The following CCDC148 variants were observed in gnomAD, a reference collection of about 807,000 sequenced individuals.
CCDC148 encodes the protein coiled-coil domain containing 148.
In CCDC148, 89 loss-of-function variants were observed where a neutral mutation model predicts 85.7. The observed-to-expected ratio is 1.04, with a 90% CI of 0.87 to 1.24. The LOEUF is 1.24. Ranked by LOEUF, CCDC148 falls within the 50% of genes most tolerant of loss-of-function variation. CCDC148 has a pLI of 0.00. For synonymous variants in CCDC148, 230 were observed against 213.9 expected, an observed-to-expected ratio of 1.08 and a Z score of -0.66; for missense variants, 692 against 671.7, an observed-to-expected ratio of 1.03 and a Z score of -0.33.
At chr2:158,372,153 C>G (rs1684469849) in intron 1 of CCDC148, among the ~76,000 whole-genome samples, 1 of 151,936 alleles carries the variant, frequency 6.6e-6, no homozygotes, top group South Asian at 2.1e-4. Context: ...CCTCTATATC[C>G]TCCAAACTGT....
At chr2:158,224,356 G>A (rs200079531) in intron 10 of CCDC148, among the ~76,000 whole-genome samples, 1 of 152,218 alleles carries the variant, frequency 6.6e-6, no homozygotes, top group African/African-American at 2.4e-5. Flanking sequence ...ACCTGAAAGT[G>A]ATGGGGAGAA....
chr2:158,333,394 A>T (rs1323385045), intron 7 of CCDC148, among the ~76,000 whole-genome samples: 3 of 152,080 alleles, frequency 2.0e-5, no homozygotes, highest in Non-Finnish European at 4.4e-5. Flanking sequence ...GTTTGTTATG[A>T]TTTCTGTTCT....
intron 3 of CCDC148, among the ~76,000 whole-genome samples, chr2:158,342,799 G>A (rs1020786038): frequency 2.0e-5 from 3 of 152,002 alleles, no homozygotes; most frequent in Non-Finnish European, 2.9e-5. Flanking sequence ...AAAACTTAAG[G>A]GATTCTTTGT....
chr2:158,311,127 G>A lies in CCDC148; in HGVS notation c.904-1488C>T, dbSNP rs1028068972. 2.6e-5 allele frequency among the ~76,000 whole-genome samples: 4 copies of A among 152,214 alleles called. No homozygotes were observed. In the South Asian group the frequency reaches 6.2e-4, roughly 24 times the overall value. ...TTGGGAGGCCAAGGCAGGCGGCTGGGAGGTGGAGGTTGTAGCGAGCGGAGA... is the reference window on the plus strand; with the variant it reads ...TTGGGAGGCCAAGGCAGGCGGCTGGAAGGTGGAGGTTGTAGCGAGCGGAGA... On this transcript the variant is annotated intron_variant, in intron 8 of 13. Transcript: ENST00000283233.
intron 7 of CCDC148, among the ~76,000 whole-genome samples, chr2:158,330,989 T>C (rs1693077209): frequency 6.6e-6 from 1 of 151,994 alleles, no homozygotes; most frequent in African/African-American, 2.4e-5. Flanking sequence ...TTTTGAAGGG[T>C]TTTTCTGTCT....
chr2:158,361,367 T>C (rs1329803841), intron 1 of CCDC148, among the ~76,000 whole-genome samples: 3 of 151,984 alleles, frequency 2.0e-5, no homozygotes, highest in Non-Finnish European at 2.9e-5. Flanking sequence ...CCAAGACACA[T>C]AATCATGAGA....
chr2:158,306,491 T>C (rs1318019642), intron 9 of CCDC148, among the ~76,000 whole-genome samples: 1 of 152,090 alleles, frequency 6.6e-6, no homozygotes, highest in Non-Finnish European at 1.5e-5. Flanking sequence ...TGGAATACTA[T>C]GCAGCCATAA....
chr2:158,376,008 C>A (rs540323376), intron 1 of CCDC148, among the ~76,000 whole-genome samples: 31 of 152,140 alleles, frequency 2.0e-4, no homozygotes, highest in African/African-American at 7.5e-4. Flanking sequence ...AACTTTCAGC[C>A]AAACAAAATC....
intron 11 of CCDC148, among the ~76,000 whole-genome samples, chr2:158,185,623 G>A (rs1685117478): frequency 1.3e-5 from 2 of 152,104 alleles, no homozygotes. Context: ...CATGTTGAAA[G>A]GAGGACAAGC....
chr2:158,237,972 T>A (rs943247576), intron 10 of CCDC148, among the ~76,000 whole-genome samples: 6 of 152,064 alleles, frequency 3.9e-5, no homozygotes, highest in African/African-American at 9.7e-5. Context: ...ATAATTCAAG[T>A]AAGGTGAAGA....
At chr2:158,274,161 C>T (rs1271697285) in intron 9 of CCDC148, among the ~76,000 whole-genome samples, 2 of 152,178 alleles carry the variant, frequency 1.3e-5, no homozygotes, top group African/African-American at 4.8e-5. Context: ...AGTTTAGGCT[C>T]TGGCTATTCA....
chr2:158,246,684 C>A (rs1372935575), intron 10 of CCDC148, among the ~76,000 whole-genome samples: 1 of 152,134 alleles, frequency 6.6e-6, no homozygotes, highest in Non-Finnish European at 1.5e-5. Context: ...AAAAATAGCA[C>A]AAAGTCACAT....
rs182068073 is a variant in CCDC148, at chr2:158,208,126, A to G, written c.1370+12469T>C. On this transcript the variant is annotated intron_variant, in intron 11 of 13. Transcript: ENST00000283233. ...ACAAGATGAGAGGATGATAGGGCAA[A>G]AAGATATGACCCTAGGGATCTTGGA... 5.3e-5 allele frequency among the ~76,000 whole-genome samples: 8 copies of G among 152,316 alleles called. No individual in the cohort carries two copies. The East Asian group carries it at 1.5e-3, about 29-fold the overall frequency.
intron 9 of CCDC148, among the ~76,000 whole-genome samples, chr2:158,294,486 A>G (rs1322509298): frequency 6.6e-6 from 1 of 152,182 alleles, no homozygotes; most frequent in Non-Finnish European, 1.5e-5. Context: ...TGTGTTTAAT[A>G]GTATAAGGAA....
intron 8 of CCDC148, among the ~76,000 whole-genome samples, chr2:158,311,348 G>C (rs980421427): frequency 3.3e-5 from 5 of 152,240 alleles, no homozygotes; most frequent in Admixed American, 6.5e-5. Context: ...GCGCGAGCCT[G>C]CAATCCCATG....
chr2:158,173,237 C>G (rs746100389), intron 13 of CCDC148, among the ~76,000 whole-genome samples: 1 of 151,926 alleles, frequency 6.6e-6, no homozygotes, highest in Non-Finnish European at 1.5e-5. Context: ...AAGGAAGACA[C>G]CTACAAACTC....
chr2:158,180,727 G>T (rs892938965), intron 11 of CCDC148, among the ~76,000 whole-genome samples: 12 of 152,162 alleles, frequency 7.9e-5, no homozygotes, highest in African/African-American at 2.9e-4. Flanking sequence ...CATGCTCCTG[G>T]GGAGGAATAC....
intron 1 of CCDC148, among the ~76,000 whole-genome samples, chr2:158,446,150 C>T: frequency 6.6e-6 from 1 of 152,078 alleles, no homozygotes; most frequent in Non-Finnish European, 1.5e-5. Flanking sequence ...GGGTTTAAGA[C>T]CAGTCTGGGC....
At chr2:158,355,314 G>T (rs2105262828) in intron 2 of CCDC148, among the ~76,000 whole-genome samples, 1 of 151,874 alleles carries the variant, frequency 6.6e-6, no homozygotes, top group African/African-American at 2.4e-5. Flanking sequence ...CGACATGATT[G>T]TTTATCTAGA....
Sources: gnomAD v4.1 joint callset for allele counts (sites outside exome capture counted in the v4.1 genomes callset) on GRCh38, gnomAD v4.1.1 for gene constraint, MANE v1.5 for transcripts, NCBI Gene and HGNC (gene_info 2026-07-23, HGNC 2026-07-21) for gene names.